ZNF804B: variants seen among roughly 807,000 people sequenced by gnomAD.
The protein encoded by ZNF804B is zinc finger 804B.
ZNF804B carries 80 observed loss-of-function variants against 101.4 expected under a neutral mutation model. The observed-to-expected ratio is 0.79, with a 90% CI of 0.66 to 0.95. The LOEUF is 0.95. Among genes scored for constraint, ZNF804B ranks in the 40% least tolerant of loss-of-function variants. The pLI is 0.00. For missense variants in ZNF804B, 1,673 were observed against 1,561.9 expected (o/e 1.07, Z -1.20); for synonymous variants, 622 against 558.8 (o/e 1.11, Z -1.59).
In ZNF804B at chr7:89,170,130, T is replaced by A. The variant is rs1791202434; in HGVS notation, c.109-48025T>A. Among the ~76,000 whole-genome samples, 4 of 152,354 alleles carry A rather than the reference T, an allele frequency of 2.6e-5. No individual in the cohort carries two copies. In the South Asian group the frequency reaches 8.3e-4, roughly 32 times the overall value. On this transcript the variant is annotated intron_variant, in intron 1 of 3. Coordinates refer to ENST00000333190, the MANE Select transcript of ZNF804B (RefSeq NM_181646.5). Reference sequence around the variant, plus strand: ...AGGCATGCATTTACTGATTTTAAAATGAAGTCACTAAACACTTTATTTTCT... The same window carrying A: ...AGGCATGCATTTACTGATTTTAAAAAGAAGTCACTAAACACTTTATTTTCT...
chr7:89,054,510 A>G (rs945771168), intron 1 of ZNF804B, among the ~76,000 whole-genome samples: 12 of 151,952 alleles, frequency 7.9e-5, no homozygotes, highest in African/African-American at 2.9e-4. Flanking sequence ...AGAGATGCTC[A>G]GACCATACCA....
intron 1 of ZNF804B, among the ~76,000 whole-genome samples, chr7:89,033,022 T>C (rs1193062814): frequency 6.6e-6 from 1 of 150,612 alleles, no homozygotes; most frequent in African/African-American, 2.4e-5. Context: ...GGTCACTTCT[T>C]GTGCAATATA....
At chr7:89,142,868 C>G (rs57348401) in intron 1 of ZNF804B, among the ~76,000 whole-genome samples, 11,178 of 152,022 alleles carry the variant, frequency 0.074, 471 homozygotes, top group South Asian at 0.092. Context: ...CCAGCAATCT[C>G]AGTTTTTGTG....
At chr7:88,856,869 T>G (rs998039555) in intron 1 of ZNF804B, among the ~76,000 whole-genome samples, 2 of 152,180 alleles carry the variant, frequency 1.3e-5, no homozygotes, top group African/African-American at 2.4e-5. Context: ...GATAATCGTA[T>G]GTTTTTTGTC....
At chr7:89,096,277 A>G (rs921630190) in intron 1 of ZNF804B, among the ~76,000 whole-genome samples, 1 of 152,148 alleles carries the variant, frequency 6.6e-6, no homozygotes, top group African/African-American at 2.4e-5. Flanking sequence ...CTCTGACAAT[A>G]CAAGTAGGAT....
At chr7:89,087,403 C>A (rs1054195560) in intron 1 of ZNF804B, among the ~76,000 whole-genome samples, 1 of 151,794 alleles carries the variant, frequency 6.6e-6, no homozygotes, top group South Asian at 2.1e-4. Context: ...GCTTCAAAGT[C>A]CCAGAAGTGA....
chr7:89,088,068 T>A (rs1217884325), intron 1 of ZNF804B, among the ~76,000 whole-genome samples: 1 of 151,808 alleles, frequency 6.6e-6, no homozygotes, highest in Non-Finnish European at 1.5e-5. Flanking sequence ...ACAAGAAAAT[T>A]AATTTGCCCA....
intron 1 of ZNF804B, among the ~76,000 whole-genome samples, chr7:88,801,963 G>T (rs956303307): frequency 9.9e-5 from 15 of 152,056 alleles, no homozygotes; most frequent in Admixed American, 9.8e-4. Context: ...ATCTCATTTC[G>T]AATTGTAATC....
intron 1 of ZNF804B, among the ~76,000 whole-genome samples, chr7:89,044,916 A>T (rs903571957): frequency 6.6e-6 from 1 of 152,236 alleles, no homozygotes; most frequent in Non-Finnish European, 1.5e-5. Context: ...CCGAATGTTA[A>T]TCAGCAAGAC....
intron 1 of ZNF804B, among the ~76,000 whole-genome samples, chr7:89,116,958 A>G (rs1790321180): frequency 6.6e-6 from 1 of 152,214 alleles, no homozygotes; most frequent in Non-Finnish European, 1.5e-5. Context: ...GTGGCCTTAA[A>G]TGCAATCACA....
chr7:88,846,523 G>C (rs888006059), intron 1 of ZNF804B, among the ~76,000 whole-genome samples: 3 of 152,108 alleles, frequency 2.0e-5, no homozygotes, highest in Non-Finnish European at 4.4e-5. Flanking sequence ...TCCACACATC[G>C]ACTTTAGACG....
At chr7:89,166,214 A>G (rs149175094) in intron 1 of ZNF804B, among the ~76,000 whole-genome samples, 1 of 152,258 alleles carries the variant, frequency 6.6e-6, no homozygotes, top group African/African-American at 2.4e-5. Context: ...CCTGTGCTTC[A>G]AGAAAATATA....
chr7:89,233,834 C>G (rs1027545720), intron 2 of ZNF804B, among the ~76,000 whole-genome samples: 2 of 152,098 alleles, frequency 1.3e-5, no homozygotes, highest in African/African-American at 4.8e-5. Flanking sequence ...GACAGGGTTT[C>G]TCCATGTTGG....
intron 1 of ZNF804B, among the ~76,000 whole-genome samples, chr7:89,020,345 T>A (rs982016639): frequency 2.0e-5 from 3 of 152,266 alleles, no homozygotes; most frequent in African/African-American, 7.2e-5. Flanking sequence ...TTCTTCACTT[T>A]CAATTTTTTG....
At chr7:89,326,544 ATAATCT>A (rs1367740328) in intron 2 of ZNF804B, among the ~76,000 whole-genome samples, 1 of 152,088 alleles carries the variant, frequency 6.6e-6, no homozygotes, top group Non-Finnish European at 1.5e-5. Context: ...AGTTAAGAGG[ATAATCT>A]TTAAATACAC....
rs540078466 is a variant in ZNF804B at position 88,974,115 on chromosome 7, T to C, written c.108+214031T>C. Reference sequence around the variant, plus strand: ...AGGGGATATATAGGGATTCCCGAAGTGGCAGAAGTCACCTTCTCCCTGACT... The same window carrying C: ...AGGGGATATATAGGGATTCCCGAAGCGGCAGAAGTCACCTTCTCCCTGACT... On this transcript the variant is annotated intron_variant, in intron 1 of 3. Transcript: ENST00000333190. 7.3e-5 allele frequency among the ~76,000 whole-genome samples: 11 copies of C among 151,440 alleles called. No homozygotes were observed. The East Asian group carries it at 2.0e-3, about 27-fold the overall frequency.
intron 1 of ZNF804B, among the ~76,000 whole-genome samples, chr7:88,788,878 T>C (rs1294147920): frequency 2.6e-5 from 4 of 152,142 alleles, no homozygotes; most frequent in Non-Finnish European, 5.9e-5. Flanking sequence ...TAAGGATAAA[T>C]GGTAATCTTT....
intron 2 of ZNF804B, among the ~76,000 whole-genome samples, chr7:89,294,627 A>G (rs1304975909): frequency 6.6e-6 from 1 of 150,624 alleles, no homozygotes; most frequent in South Asian, 2.1e-4. Flanking sequence ...GTTCTGATCA[A>G]TTTTCTCCTG....
At chr7:89,236,272 T>C (rs954373588) in intron 2 of ZNF804B, among the ~76,000 whole-genome samples, 1 of 152,090 alleles carries the variant, frequency 6.6e-6, no homozygotes, top group Non-Finnish European at 1.5e-5. Context: ...CAGATTTCAT[T>C]TGGAAACCAG....
Sources: allele counts gnomAD v4.1 joint callset (sites outside exome capture counted in the v4.1 genomes callset), GRCh38; gene constraint gnomAD v4.1.1; transcripts MANE v1.5; gene names NCBI Gene and HGNC (gene_info 2026-07-23, HGNC 2026-07-21).